TUBGCP5: variants seen among roughly 807,000 people sequenced by gnomAD.
TUBGCP5 encodes gamma-tubulin complex component 5.
Under a neutral mutation model 134.7 loss-of-function variants are expected in TUBGCP5, and 98 were observed. The ratio of observed to expected loss-of-function variants is 0.73; its 90% confidence interval spans 0.62 to 0.86. TUBGCP5 has a LOEUF of 0.86. Among genes scored for constraint, TUBGCP5 ranks in the 40% least tolerant of loss-of-function variants. The pLI is 0.00. For missense variants in TUBGCP5, 1,150 were observed against 1,244.8 expected (o/e 0.92, Z 1.15); for synonymous variants, 456 against 431.4 (o/e 1.06, Z -0.71).
downstream of TUBGCP5, among the ~76,000 whole-genome samples, chr15:22,995,164 A>T (rs2064010220): frequency 6.6e-6 from 1 of 152,038 alleles, no homozygotes; most frequent in Non-Finnish European, 1.5e-5. Flanking sequence ...GAATCACTTG[A>T]ACCTGGGAGG....
chr15:23,028,677 A>C (rs964546269), intron 6 of TUBGCP5, among the ~76,000 whole-genome samples: 2 of 152,152 alleles, frequency 1.3e-5, no homozygotes, highest in Non-Finnish European at 2.9e-5. Context: ...GATACCAAAC[A>C]ACCATCACAC....
chr15:23,038,115 A>G (rs1567176511), intron 1 of TUBGCP5, among the ~76,000 whole-genome samples: 1 of 152,078 alleles, frequency 6.6e-6, no homozygotes, highest in East Asian at 1.9e-4. Flanking sequence ...GATGGTTTAA[A>G]GCATCATAAA....
At position 23,039,532 on chromosome 15, in the gene TUBGCP5, G is replaced by T. The variant is rs771740075; in HGVS notation, c.12C>A (p.His4Gln). 2 of 1,476,936 alleles carry T rather than the reference G, an allele frequency of 1.4e-6. No homozygotes were observed. Among genetic ancestry groups the T allele is most frequent in the Admixed American group, 2.1e-5 (1 of 47,270 alleles). The allele number at this position is 1,476,936 out of a possible 1,614,324, so 91.5% of individuals were successfully genotyped here. The change falls in exon 1 of 23, where the codon CAC becomes CAA. Residue 4 changes from histidine to glutamine, a missense_variant. Physicochemically the swap from His to Gln is conservative, Grantham distance 24 (BLOSUM62 0). Around this residue, in one of 2 missense-constraint regions of TUBGCP5, gnomAD observed 453 missense variants for 394.7 expected, o/e 1.15. Coordinates refer to ENST00000615383, the MANE Select transcript of TUBGCP5 (RefSeq NM_052903.6). Reference sequence around the variant, plus strand: ...CGTCCAACCGACTCCACGGTGGCCCGTGCCGCGCCATGTTCCGCGCTCCTG... The same window carrying T: ...CGTCCAACCGACTCCACGGTGGCCCTTGCCGCGCCATGTTCCGCGCTCCTG... MARHGPPWSRLDAQ... is the reference protein window; with the variant it reads MARQGPPWSRLDAQ...
Position 23,000,691 on chromosome 15 carries a change from A to C in TUBGCP5, c.2928-22T>G, listed in dbSNP as rs545109576. The C allele has an allele frequency of 8.9e-6, 14 of 1,572,694 alleles. No individual in the cohort carries two copies. The South Asian group carries it at 1.6e-4, about 18-fold the overall frequency. On this transcript the variant is annotated intron_variant, in intron 21 of 22. Transcript: ENST00000615383. ...CATTCTAGGAATAAAAGTAAATTTCAATTAAGTAAGTGCATTGCGGGTATA... is the reference window on the plus strand; with the variant it reads ...CATTCTAGGAATAAAAGTAAATTTCCATTAAGTAAGTGCATTGCGGGTATA...
In TUBGCP5 at chr15:23,004,095, CAT is replaced by C. The variant is rs752110957; in HGVS notation, c.2838+5_2838+6del. 4.4e-6 allele frequency: 7 copies of C among 1,607,148 alleles called. No individual in the cohort carries two copies. The Admixed American group carries it at 1.2e-4, about 28-fold the overall frequency. Reference sequence around the variant, plus strand: ...GTGGCCACATCTGCAGGAGACATCTCATGTACCTTTTCTCTCAGCAGACACCG... The same window carrying C: ...GTGGCCACATCTGCAGGAGACATCTCGTACCTTTTCTCTCAGCAGACACCG... On this transcript the variant is annotated splice_donor_5th_base_variant and intron_variant, in intron 20 of 22. Coordinates refer to ENST00000615383, the MANE Select transcript of TUBGCP5 (RefSeq NM_052903.6).
downstream of TUBGCP5, among the ~76,000 whole-genome samples, chr15:22,998,151 C>T (rs973540483): frequency 6.6e-6 from 1 of 151,786 alleles, no homozygotes; most frequent in Non-Finnish European, 1.5e-5. Flanking sequence ...CCTGTCTCTA[C>T]TAAAAATACA....
chr15:23,030,688 T>C (rs1277158277), intron 6 of TUBGCP5, among the ~76,000 whole-genome samples, 197 bp downstream of exon 6: 5 of 151,930 alleles, frequency 3.3e-5, no homozygotes, highest in African/African-American at 4.8e-5. Context: ...ACTCTACATG[T>C]ATGAATTCAA....
At chr15:23,037,228 T>A in intron 1 of TUBGCP5, 76 bp from the exon 2 acceptor site, 1 of 1,347,998 alleles carries the variant, frequency 7.4e-7, no homozygotes, top group Non-Finnish European at 1.1e-6. Flanking sequence ...GCCCTCCATA[T>A]CCCCCATATG....
intron 16 of TUBGCP5, among the ~76,000 whole-genome samples, chr15:23,007,524 C>T (rs2140441836): frequency 6.6e-6 from 1 of 152,308 alleles, no homozygotes; most frequent in Non-Finnish European, 1.5e-5. Context: ...TCTCTTCCCT[C>T]CAGGGACTCC....
In TUBGCP5 at chr15:23,004,180, G is replaced by A; in HGVS notation, c.2760C>T (p.Ala920=). ...TTTTAATCAATTGATCTAAATCCTTGGCTTCCTCGACTTGATGTTGAAACT... is the reference window on the plus strand; with the variant it reads ...TTTTAATCAATTGATCTAAATCCTTAGCTTCCTCGACTTGATGTTGAAACT... ...GLEFQHQVEE[A]KDLDQLIKIH... is the part of the protein sequence containing the mutation. The change falls in exon 20 of 23, where the codon GCC becomes GCT. Residue 920 remains alanine (A), a synonymous_variant. Coordinates refer to ENST00000615383, the MANE Select transcript of TUBGCP5 (RefSeq NM_052903.6). 1 of 1,613,244 alleles carries A rather than the reference G, an allele frequency of 6.2e-7. No individual in the cohort carries two copies. The highest frequency in any genetic ancestry group is 8.5e-7 in the Non-Finnish European group (1 of 1,179,716).
At chr15:23,020,623 GTAT>G (rs910830707) in intron 11 of TUBGCP5, among the ~76,000 whole-genome samples, 1 of 150,442 alleles carries the variant, frequency 6.6e-6, no homozygotes, top group Non-Finnish European at 1.5e-5. Flanking sequence ...AAGAAATATG[GTAT>G]TAAATTGGTG....
downstream of TUBGCP5, among the ~76,000 whole-genome samples, chr15:22,997,729 G>T (rs887935441): frequency 6.7e-6 from 1 of 149,118 alleles, no homozygotes; most frequent in South Asian, 2.1e-4. Context: ...GCAATTCTCT[G>T]GCCTCAGCCT....
Position 23,023,569 on chromosome 15 carries a change from GA to G in TUBGCP5, c.1168+377del, listed in dbSNP as rs541316232. ...GGTATTATCCTCAAAATTTAAACTG[GA>G]AAAATTTGAAGAGAGCAGTGTAATG... On this transcript the variant is annotated intron_variant, in intron 10 of 22. Transcript: ENST00000615383. 2.0e-4 allele frequency: 33 copies of G among 167,316 alleles called. No homozygotes were observed. In the South Asian group the frequency reaches 4.7e-3, roughly 24 times the overall value. 10.4% of individuals were successfully genotyped at this position (167,316 alleles called of 1,614,324 possible). A position where few individuals can be genotyped will look rare whatever the true frequency, so the allele number is the denominator to read the frequency against.
intron 11 of TUBGCP5, 73 bp from the exon 12 acceptor site, chr15:23,019,407 T>C: frequency 3.3e-6 from 3 of 920,772 alleles, no homozygotes; most frequent in Non-Finnish European, 3.4e-6. Flanking sequence ...TTTAAACATT[T>C]CTGAAATGCC....
At chr15:23,018,656 T>C in intron 12 of TUBGCP5, among the ~76,000 whole-genome samples, 1 of 152,188 alleles carries the variant, frequency 6.6e-6, no homozygotes, top group East Asian at 1.9e-4. Flanking sequence ...TATCTAAATA[T>C]ACCGCATAAT....
At chr15:23,035,332 A>AAAAAAC (rs1445734776) in intron 3 of TUBGCP5, among the ~76,000 whole-genome samples, 1 of 151,564 alleles carries the variant, frequency 6.6e-6, no homozygotes, top group Non-Finnish European at 1.5e-5. Context: ...TCAGTCTTAA[A>AAAAAAC]AAAAAAAAAG....
At position 23,005,912 on chromosome 15, in the gene TUBGCP5, G is replaced by A. The variant is rs972178178; in HGVS notation, c.2533+140C>T. 15 of 925,426 alleles carry A rather than the reference G, an allele frequency of 1.6e-5. No individual in the cohort carries two copies. In the African/African-American group the frequency reaches 2.4e-4, roughly 15 times the overall value. The allele number at this position is 925,426 out of a possible 1,614,324, so 57.3% of individuals were successfully genotyped here. ...GAATACGCACCATTTTGGCATTTGT[G>A]TACACATAAAAAATGATCAACAACC... On this transcript the variant is annotated intron_variant, in intron 18 of 22. Coordinates refer to ENST00000615383, the MANE Select transcript of TUBGCP5 (RefSeq NM_052903.6).
intron 13 of TUBGCP5, among the ~76,000 whole-genome samples, chr15:23,015,711 C>A (rs1424641574): frequency 1.3e-5 from 2 of 152,152 alleles, no homozygotes; most frequent in Non-Finnish European, 2.9e-5. Flanking sequence ...TGCCACAAAC[C>A]CCCTCACTGT....
chr15:22,993,034 G>A (rs191647428), intron 23 of TUBGCP5, among the ~76,000 whole-genome samples: 55 of 152,210 alleles, frequency 3.6e-4, no homozygotes, highest in African/African-American at 1.2e-3. Flanking sequence ...AATGACTATC[G>A]AGCAAGGATA....
Sources: allele counts gnomAD v4.1 joint callset (sites outside exome capture counted in the v4.1 genomes callset), GRCh38; gene constraint gnomAD v4.1.1; regional missense constraint gnomAD v4.1.1; transcripts MANE v1.5; gene names NCBI Gene and HGNC (gene_info 2026-07-23, HGNC 2026-07-21).